PLEKHN1: variants seen among roughly 807,000 people sequenced by gnomAD.
The protein encoded by PLEKHN1 is pleckstrin homology domain-containing family N member 1.
Under a neutral mutation model 72.8 loss-of-function variants are expected in PLEKHN1, and 68 were observed. The observed-to-expected ratio is 0.93, with a 90% CI of 0.77 to 1.14. The LOEUF is 1.14. Among genes scored for constraint, PLEKHN1 ranks in the 50% most tolerant of loss-of-function variants. PLEKHN1 has a pLI of 0.00. For missense variants in PLEKHN1, 1,015 were observed against 840.5 expected (o/e 1.21, Z -2.57); for synonymous variants, 454 against 371.6 (o/e 1.22, Z -2.55).
At chr1:974,181 G>T in intron 14 of PLEKHN1, 130 bp downstream of exon 14, 2 of 1,502,040 alleles carry the variant, frequency 1.3e-6, no homozygotes, top group Non-Finnish European at 1.8e-6. Context: ...GGCCAGGGGG[G>T]CCAGTAGGGA....
At position 974,550 on chromosome 1, in the gene PLEKHN1, G is replaced by T. The variant is rs766161884; in HGVS notation, c.1811G>T (p.Ser604Ile). ...KCPQLGGPEA[S>I]GGLVQWI ...CCCCAGCTTGGAGGGCCTGAGGCCA[G>T]TGGGGGGCTTGTGCAGTGGATCTGA... Residue 604 changes from serine to isoleucine, a missense_variant, in exon 16 of 16, where the codon AGT (serine) becomes ATT (isoleucine). Ser to Ile is a moderately radical substitution (Grantham distance 142, BLOSUM62 -2). Transcript: ENST00000379410. 1 of 1,612,252 alleles carries T rather than the reference G, an allele frequency of 6.2e-7. No individual in the cohort carries two copies. The highest frequency in any genetic ancestry group is 8.5e-7 in the Non-Finnish European group (1 of 1,179,778).
chr1:974,437 A>C lies in PLEKHN1; in HGVS notation c.1703-5A>C. Reference sequence around the variant, plus strand: ...AGGCTGACACATCTCTGCCTTCCCTACCAGATGGTCGGTCCCCCAGGAGGA... The same window carrying C: ...AGGCTGACACATCTCTGCCTTCCCTCCCAGATGGTCGGTCCCCCAGGAGGA... On this transcript the variant is annotated splice_region_variant and splice_polypyrimidine_tract_variant and intron_variant, in intron 15 of 15. Transcript: ENST00000379410. 1 of 1,612,748 alleles carries C rather than the reference A, an allele frequency of 6.2e-7. No individual in the cohort carries two copies. The highest frequency in any genetic ancestry group is 8.5e-7 in the Non-Finnish European group (1 of 1,179,906).
chr1:973,301 C>A lies in PLEKHN1; in HGVS notation c.1268C>A (p.Thr423Asn). 1 of 1,544,606 alleles carries A rather than the reference C, an allele frequency of 6.5e-7. No homozygotes were observed. The highest frequency in any genetic ancestry group is 8.8e-7 in the Non-Finnish European group (1 of 1,140,776). The change falls in exon 12 of 16, where the codon ACC (threonine) becomes AAC (asparagine). Residue 423 changes from threonine (T) to asparagine (N), a missense_variant. Transcript: ENST00000379410. Reference sequence around the variant, plus strand: ...CGGGCAGAGGGCCGCGGCCCTGTCACCCCACTGCACCTGGACCTGACCCAG... The same window carrying A: ...CGGGCAGAGGGCCGCGGCCCTGTCAACCCACTGCACCTGGACCTGACCCAG... ...KARAEGRGPV[T>N]PLHLDLTQLH... is the part of the protein sequence containing the mutation.
chr1:974,717 C>T lies in PLEKHN1; in HGVS notation c.*142C>T. On this transcript the variant is annotated 3_prime_UTR_variant, in exon 16 of 16. Transcript: ENST00000379410. Reference sequence around the variant, plus strand: ...CTGGGGCCCTGAGTTCAGAGCCCGTCCCTCAGCTCCTGTTCCTTGGTGCCA... The same window carrying T: ...CTGGGGCCCTGAGTTCAGAGCCCGTTCCTCAGCTCCTGTTCCTTGGTGCCA... 9.1e-7 allele frequency: 1 copy of T among 1,097,968 alleles called. No individual in the cohort carries two copies. The highest frequency in any genetic ancestry group is 2.6e-5 in the East Asian group (1 of 38,250). 68.0% of individuals were successfully genotyped at this position (1,097,968 alleles called of 1,614,324 possible).
intron 8 of PLEKHN1, among the ~76,000 whole-genome samples, chr1:971,759 C>T (rs1468564875): frequency 2.0e-5 from 3 of 152,010 alleles, no homozygotes; most frequent in Non-Finnish European, 2.9e-5. Context: ...TGTGCACTCA[C>T]GGTAACCTTC....
rs544341319 is a variant in PLEKHN1 at position 974,054 on chromosome 1, G to A, written c.1653+3G>A. 24 of 1,576,216 alleles carry A rather than the reference G, an allele frequency of 1.5e-5. No individual in the cohort carries two copies. In the East Asian group the frequency reaches 3.3e-4, roughly 21 times the overall value. Reference sequence around the variant, plus strand: ...AGCCCCCAGACGCCCCTCAGCTTGTGAGTAGCAGCCCCCACGCCCGTGTGC... The same window carrying A: ...AGCCCCCAGACGCCCCTCAGCTTGTAAGTAGCAGCCCCCACGCCCGTGTGC... On this transcript the variant is annotated splice_donor_region_variant and intron_variant, in intron 14 of 15. Coordinates refer to ENST00000379410, the MANE Select transcript of PLEKHN1 (RefSeq NM_032129.3).
chr1:973,451 T>G, intron 12 of PLEKHN1, 49 bp from the exon 13 acceptor site: 1 of 1,601,584 alleles, frequency 6.2e-7, no homozygotes, highest in Non-Finnish European at 8.5e-7. Context: ...AGGGGTGGCC[T>G]AGGCTGTTTC....
In PLEKHN1 at chr1:973,656, G is replaced by T; in HGVS notation, c.1434+16G>T. The T allele has an allele frequency of 1.2e-6, 2 of 1,610,494 alleles. No individual in the cohort carries two copies. Among genetic ancestry groups the T allele is most frequent in the Non-Finnish European group, 1.7e-6 (2 of 1,179,544 alleles). ...CCTGGAGGAGGTCAGGCCCCTGCTGGGTGACAGAAAGGGTGGGAGGTGCCT... is the reference window on the plus strand; with the variant it reads ...CCTGGAGGAGGTCAGGCCCCTGCTGTGTGACAGAAAGGGTGGGAGGTGCCT... On this transcript the variant is annotated intron_variant, in intron 13 of 15. Transcript: ENST00000379410.
Position 971,180 on chromosome 1 carries a change from G to C in PLEKHN1, c.680G>C (p.Arg227Thr). ...GGCGGCAGTGCTGTCTGTGCCTCGA[G>C]GGTCAAGCTGCAGCACCTGCCCGCA... ...EPGGSAVCASRVKLQHLPAQE... is the reference protein window; with the variant it reads ...EPGGSAVCASTVKLQHLPAQE... The change falls in exon 7 of 16, where the codon AGG becomes ACG. Residue 227 changes from arginine to threonine, a missense_variant. Coordinates refer to ENST00000379410, the MANE Select transcript of PLEKHN1 (RefSeq NM_032129.3). The C allele has an allele frequency of 6.3e-7, 1 of 1,593,864 alleles. No individual in the cohort carries two copies. The highest frequency in any genetic ancestry group is 8.5e-7 in the Non-Finnish European group (1 of 1,171,058).
At chr1:974,202 T>A (rs917165943) in intron 14 of PLEKHN1, 114 bp from the exon 15 acceptor site, 1 of 1,528,338 alleles carries the variant, frequency 6.5e-7, no homozygotes, top group Non-Finnish European at 9.0e-7. Flanking sequence ...GTTGGGGAGA[T>A]GGGACTGGGG....
Position 970,608 on chromosome 1 carries a change from C to A in PLEKHN1, c.411+7C>A, listed in dbSNP as rs762318848. ...GGAAGGACTCACATTTCAGGTGAGG[C>A]GGTGGGCAATGGGGTGGGGCCATGG... On this transcript the variant is annotated splice_region_variant and intron_variant, in intron 4 of 15. Transcript: ENST00000379410. The surrounding 1 kb of genome is among the most constrained non-coding windows in gnomAD (Gnocchi z 4.2). 19 of 1,611,574 alleles carry A rather than the reference C, an allele frequency of 1.2e-5. No homozygotes were observed. The highest frequency in any genetic ancestry group is 1.6e-5 in the Non-Finnish European group (19 of 1,179,176).
Position 973,454 on chromosome 1 carries a change from GCTGTTTCTAGCC to G in PLEKHN1, c.1294-45_1294-34del, listed in dbSNP as rs1643445268. The G allele has an allele frequency of 1.9e-6, 3 of 1,602,614 alleles. No individual in the cohort carries two copies. The African/African-American group carries it at 4.0e-5, about 21-fold the overall frequency. ...CTTGCACAGAGAAGGGGTGGCCTAG[GCTGTTTCTAGCC>G]GAGAAGCCCATTTCTCCCACCTCTG... On this transcript the variant is annotated intron_variant, in intron 12 of 15. Transcript: ENST00000379410.
At chr1:973,112 C>G in intron 11 of PLEKHN1, 74 bp from the exon 12 acceptor site, 1 of 1,497,774 alleles carries the variant, frequency 6.7e-7, no homozygotes, top group South Asian at 1.3e-5. Context: ...CTGGAGGGAG[C>G]CCCTTGCAGC....
Position 972,296 on chromosome 1 carries a change from A to C in PLEKHN1, c.874A>C (p.Ile292Leu), listed in dbSNP as rs145042066. The change falls in exon 10 of 16, where the codon ATC becomes CTC. Residue 292 changes from isoleucine (I) to leucine (L), a missense_variant. By Grantham distance (5) the Ile-to-Leu change is conservative. Coordinates refer to ENST00000379410, the MANE Select transcript of PLEKHN1 (RefSeq NM_032129.3). The part of the protein sequence containing the change: ...IRSFLIEGPL[I>L]NTIRVVCASY... ...CAGCATCTGTATGCCAGGCCCCCTC[A>C]TCAACACCATCCGCGTGGTGTGCGC... The C allele has an allele frequency of 6.2e-7, 1 of 1,611,822 alleles. No individual in the cohort carries two copies. Among genetic ancestry groups the C allele is most frequent in the Non-Finnish European group, 8.5e-7 (1 of 1,179,428 alleles).
chr1:971,158 G>A lies in PLEKHN1; in HGVS notation c.658G>A (p.Gly220Ser), dbSNP rs550137374. ...LRTASGHEPG[G>S]SAVCASRVKL... ...GACGGCGTCAGGGCACGAACCCGGC[G>A]GCAGTGCTGTCTGTGCCTCGAGGGT... is the stretch of plus-strand genomic sequence containing the variant. The change falls in exon 7 of 16, where the codon GGC becomes AGC. Residue 220 changes from glycine (G) to serine (S), a missense_variant. Transcript: ENST00000379410. The A allele has an allele frequency of 1.4e-5, 22 of 1,599,572 alleles. No homozygotes were observed. Among genetic ancestry groups the A allele is most frequent in the South Asian group, 9.0e-5 (8 of 88,736 alleles).
In PLEKHN1 at chr1:972,128, G is replaced by C; in HGVS notation, c.843G>C (p.Gln281His). Residue 281 changes from glutamine (Q) to histidine (H), a missense_variant, in exon 9 of 16, where the codon CAG becomes CAC. By Grantham distance (24) the Gln-to-His change is conservative (BLOSUM62 0). Coordinates refer to ENST00000379410, the MANE Select transcript of PLEKHN1 (RefSeq NM_032129.3). ...TCAACCTGGAGGAGAAGGAGAAGCA[G>C]ATCCGCTCCTTCCTGATTGAAGGTA... ...VHINLEEKEK[Q>H]IRSFLIEGPL... is the part of the protein sequence containing the mutation. 6.2e-7 allele frequency: 1 copy of C among 1,613,160 alleles called. No homozygotes were observed. Among genetic ancestry groups the C allele is most frequent in the Non-Finnish European group, 8.5e-7 (1 of 1,179,912 alleles).
In PLEKHN1 at chr1:972,337, C is replaced by T. The variant is rs371553226; in HGVS notation, c.915C>T (p.Tyr305=). Residue 305 remains tyrosine (Y), a synonymous_variant, in exon 10 of 16, where the codon TAC becomes TAT. Coordinates refer to ENST00000379410, the MANE Select transcript of PLEKHN1 (RefSeq NM_032129.3). ...TGGTGTGCGCCAGCTACGAGGACTA[C>T]GGTCACTGGCTGCTGTGCCTTCGCG... ...IRVVCASYED[Y]GHWLLCLRAV... 19 of 1,612,282 alleles carry T rather than the reference C, an allele frequency of 1.2e-5. No homozygotes were observed. The highest frequency in any genetic ancestry group is 4.4e-5 in the South Asian group (4 of 91,044).
At position 972,304 on chromosome 1, in the gene PLEKHN1, C is replaced by T. The variant is rs1643377756; in HGVS notation, c.882C>T (p.Thr294=). 1.2e-6 allele frequency: 2 copies of T among 1,612,162 alleles called. No individual in the cohort carries two copies. The highest frequency in any genetic ancestry group is 1.7e-6 in the Non-Finnish European group (2 of 1,179,634). The change falls in exon 10 of 16, where the codon ACC becomes ACT. Residue 294 remains threonine (T), a synonymous_variant. Transcript: ENST00000379410. ...SFLIEGPLIN[T]IRVVCASYED... Reference sequence around the variant, plus strand: ...GTATGCCAGGCCCCCTCATCAACACCATCCGCGTGGTGTGCGCCAGCTACG... The same window carrying T: ...GTATGCCAGGCCCCCTCATCAACACTATCCGCGTGGTGTGCGCCAGCTACG...
chr1:970,857 G>A lies in PLEKHN1; in HGVS notation c.485-22G>A, dbSNP rs768844758. ...GCGGAGCACGTGTGTGTATGTGTGT[G>A]CCCTCTCTGCCCTGCCCGCAGGCCC... is the stretch of plus-strand genomic sequence containing the variant. On this transcript the variant is annotated intron_variant, in intron 5 of 15. Coordinates refer to ENST00000379410, the MANE Select transcript of PLEKHN1 (RefSeq NM_032129.3). The surrounding 1 kb of genome is among the most constrained non-coding windows in gnomAD (Gnocchi z 4.2). 1.2e-6 allele frequency: 2 copies of A among 1,611,994 alleles called. No individual in the cohort carries two copies. The highest frequency in any genetic ancestry group is 1.1e-5 in the South Asian group (1 of 91,076).
Sources: allele counts gnomAD v4.1 joint callset (sites outside exome capture counted in the v4.1 genomes callset), GRCh38; gene constraint gnomAD v4.1.1; non-coding constraint Gnocchi (gnomAD v3.1); transcripts MANE v1.5; gene names NCBI Gene and HGNC (gene_info 2026-07-23, HGNC 2026-07-21).